Variants in BATF3 observed in about 807,000 individuals in gnomAD.
BATF3 encodes the protein basic leucine zipper transcriptional factor ATF-like 3.
In BATF3, 8 loss-of-function variants were observed where a neutral mutation model predicts 16.1. The observed-to-expected ratio is 0.50, with a 90% CI of 0.29 to 0.90. BATF3 has a LOEUF of 0.90. Ranked by LOEUF, BATF3 falls within the 40% of genes least tolerant of loss-of-function variation. BATF3 has a pLI of 0.08. For missense variants in BATF3, 139 were observed against 167.0 expected (o/e 0.83, Z 0.92); for synonymous variants, 74 against 72.7 (o/e 1.02, Z -0.09).
chr1:212,693,674 C>T (rs902646755), intron 2 of BATF3, among the ~76,000 whole-genome samples: 1 of 152,130 alleles, frequency 6.6e-6, no homozygotes, highest in African/African-American at 2.4e-5. Flanking sequence ...GTCTCCACCC[C>T]ACAGTTCCAA....
intron 2 of BATF3, among the ~76,000 whole-genome samples, chr1:212,693,414 G>A (rs1213705200): frequency 6.6e-6 from 1 of 152,182 alleles, no homozygotes; most frequent in Non-Finnish European, 1.5e-5. Flanking sequence ...GTATACAGGT[G>A]GAGCCGCTGT....
Position 212,689,229 on chromosome 1 carries a change from C to G in BATF3, c.196-2250G>C, listed in dbSNP as rs751461631. Among the ~76,000 whole-genome samples the G allele has an allele frequency of 4.6e-5, 7 of 152,204 alleles. No homozygotes were observed. Among genetic ancestry groups the G allele is most frequent in the Non-Finnish European group, 1.0e-4 (7 of 68,034 alleles). On this transcript the variant is annotated intron_variant, in intron 2 of 2. Coordinates refer to ENST00000243440, the MANE Select transcript of BATF3 (RefSeq NM_018664.3). This position sits in a 1 kb window ranked among gnomAD's most constrained non-coding sequence, Gnocchi z 4.6. ...CCCCCTGCCTGATGCGCCACAGCAC[C>G]AGCACCTACATGCTCAGTGATTCCT...
At chr1:212,688,004 G>A (rs199786579) in intron 2 of BATF3, among the ~76,000 whole-genome samples, 37,730 of 76,060 alleles carry the variant, frequency 0.5, 7,517 homozygotes, top group Admixed American at 0.57. Context: ...AGAAAGGAAG[G>A]AAGGAAGGAA....
At chr1:212,688,038 A>AG (rs1417735581) in intron 2 of BATF3, among the ~76,000 whole-genome samples, 6 of 143,794 alleles carry the variant, frequency 4.2e-5, no homozygotes, top group East Asian at 2.0e-4. Context: ...GAAGGAAGGA[A>AG]GGAGAGAGAA....
At chr1:212,696,759 G>C (rs1257671585) in intron 2 of BATF3, among the ~76,000 whole-genome samples, 1 of 152,140 alleles carries the variant, frequency 6.6e-6, no homozygotes, top group East Asian at 1.9e-4. Context: ...AAATAAACTT[G>C]ACCATGAGAA....
chr1:212,695,490 C>CAAAA (rs373281690), intron 2 of BATF3, among the ~76,000 whole-genome samples: 3 of 42,226 alleles, frequency 7.1e-5, no homozygotes, highest in Non-Finnish European at 1.2e-4. Flanking sequence ...GACTCTGTCT[C>CAAAA]AAAAAAAAAA....
rs572828371 is a variant in BATF3 at position 212,690,093 on chromosome 1, C to T, written c.196-3114G>A. The stretch of plus-strand genomic sequence containing the variant: ...ACATACACACTCACACACACACACT[C>T]CACCCTGCAGCAGGAAATGCCCTTG... On this transcript the variant is annotated intron_variant, in intron 2 of 2. Transcript: ENST00000243440. 2.0e-5 allele frequency among the ~76,000 whole-genome samples: 3 copies of T among 152,262 alleles called. No individual in the cohort carries two copies. In the East Asian group the frequency reaches 5.8e-4, roughly 29 times the overall value.
intron 2 of BATF3, among the ~76,000 whole-genome samples, chr1:212,687,919 C>A (rs1199396704): frequency 7.2e-6 from 1 of 138,892 alleles, no homozygotes; most frequent in African/African-American, 2.7e-5. Context: ...AGAGAAAGAT[C>A]CCAACTCAAA....
chr1:212,699,484 C>T lies in BATF3; in HGVS notation c.90+189G>A, dbSNP rs565408698. ...CCAGGAGCCGCGGACACTGTGCGCA[C>T]GACAGGGTCCCTGGATCGCCCCCAT... On this transcript the variant is annotated intron_variant, in intron 1 of 2. Coordinates refer to ENST00000243440, the MANE Select transcript of BATF3 (RefSeq NM_018664.3). The surrounding 1 kb of genome is among the most constrained non-coding windows in gnomAD (Gnocchi z 4.4). Among the ~76,000 whole-genome samples the T allele has an allele frequency of 2.6e-5, 4 of 152,100 alleles. No homozygotes were observed. Among genetic ancestry groups the T allele is most frequent in the Admixed American group, 6.5e-5 (1 of 15,276 alleles).
chr1:212,692,362 A>ATT (rs5780698), intron 2 of BATF3, among the ~76,000 whole-genome samples: 1 of 152,014 alleles, frequency 6.6e-6, no homozygotes, highest in Non-Finnish European at 1.5e-5. Context: ...AGTGTTCCAT[A>ATT]TTTTTTTAAA....
rs866371353 is a variant in BATF3, at chr1:212,699,262, C to T, written c.90+411G>A. On this transcript the variant is annotated intron_variant, in intron 1 of 2. Transcript: ENST00000243440. The surrounding 1 kb of genome is among the most constrained non-coding windows in gnomAD (Gnocchi z 4.4). ...TCTCCATTCCCGCGGCAGCACCCCC[C>T]CCACCCGGGGGAATCCTGGAGGGGC... Among the ~76,000 whole-genome samples, 2 of 152,168 alleles carry T rather than the reference C, an allele frequency of 1.3e-5. No individual in the cohort carries two copies. The highest frequency in any genetic ancestry group is 2.4e-5 in the African/African-American group (1 of 41,456).
intron 2 of BATF3, among the ~76,000 whole-genome samples, chr1:212,693,400 G>T (rs1028209992): frequency 1.7e-4 from 26 of 152,190 alleles, no homozygotes; most frequent in African/African-American, 5.8e-4. Flanking sequence ...CAGCTCTGGG[G>T]TCTGTATACA....
At chr1:212,692,425 T>C (rs1319973019) in intron 2 of BATF3, among the ~76,000 whole-genome samples, 1 of 151,770 alleles carries the variant, frequency 6.6e-6, no homozygotes, top group Non-Finnish European at 1.5e-5. Flanking sequence ...GAGGCTCAAG[T>C]ATAGGTAGAG....
intron 2 of BATF3, among the ~76,000 whole-genome samples, chr1:212,688,107 A>G (rs986852137): frequency 1.3e-4 from 19 of 151,954 alleles, no homozygotes; most frequent in Non-Finnish European, 5.9e-5. Flanking sequence ...TGATCCAAAC[A>G]CTCTCACTTT....
rs572764913 is a variant in BATF3, at chr1:212,689,644, G to T, written c.196-2665C>A. On this transcript the variant is annotated intron_variant, in intron 2 of 2. Coordinates refer to ENST00000243440, the MANE Select transcript of BATF3 (RefSeq NM_018664.3). The surrounding 1 kb of genome is among the most constrained non-coding windows in gnomAD (Gnocchi z 4.6). ...TGGGATGGAAGCCAGGGCGTCAAGGGAATCATGCAGGCAGCAGAGGGATGA... is the reference window on the plus strand; with the variant it reads ...TGGGATGGAAGCCAGGGCGTCAAGGTAATCATGCAGGCAGCAGAGGGATGA... Among the ~76,000 whole-genome samples, 14 of 152,230 alleles carry T rather than the reference G, an allele frequency of 9.2e-5. No homozygotes were observed. Among genetic ancestry groups the T allele is most frequent in the Admixed American group, 7.2e-4 (11 of 15,288 alleles).
chr1:212,687,996 A>AAAGAAAGAAAGGAAGG (rs1274002817), intron 2 of BATF3, among the ~76,000 whole-genome samples: 15 of 101,330 alleles, frequency 1.5e-4, no homozygotes, highest in Admixed American at 1.0e-3. Flanking sequence ...AGAAAGAAAG[A>AAAGAAAGAAAGGAAGG]AAGGAAGGAA....
Position 212,697,011 on chromosome 1 carries a change from C to T in BATF3, c.145G>A (p.Ala49Thr). 2 of 1,614,214 alleles carry T rather than the reference C, an allele frequency of 1.2e-6. No individual in the cohort carries two copies. The highest frequency in any genetic ancestry group is 1.7e-6 in the Non-Finnish European group (2 of 1,180,036). ...VRRREKNRVA[A>T]QRSRKKQTQK... ...GTCTGCTTCTTCCGACTTCTCTGAG[C>T]AGCAACTCGGTTTTTTTCTCTCCTT... is the stretch of plus-strand genomic sequence containing the variant. The change falls in exon 2 of 3, where the codon GCT becomes ACT. Residue 49 changes from alanine (A) to threonine (T), a missense_variant. Coordinates refer to ENST00000243440, the MANE Select transcript of BATF3 (RefSeq NM_018664.3).
rs2102400571 is a variant in BATF3, at chr1:212,689,158, T to A, written c.196-2179A>T. ...ATGAAGTAATGTCTCCCCCCAAAGA[T>A]CAGAAATGTAAAGGACCTAGGAACT... On this transcript the variant is annotated intron_variant, in intron 2 of 2. Transcript: ENST00000243440. This position sits in a 1 kb window ranked among gnomAD's most constrained non-coding sequence, Gnocchi z 4.6. Among the ~76,000 whole-genome samples, 1 of 152,224 alleles carries A rather than the reference T, an allele frequency of 6.6e-6. No individual in the cohort carries two copies. Among genetic ancestry groups the A allele is most frequent in the Non-Finnish European group, 1.5e-5 (1 of 68,022 alleles).
intron 1 of BATF3, 36 bp from the exon 2 acceptor site, chr1:212,697,101 C>G: frequency 6.5e-7 from 1 of 1,549,656 alleles, no homozygotes; most frequent in Admixed American, 1.7e-5. Flanking sequence ...GATGTCGTGG[C>G]CCCTCGCCTT....
Sources: allele counts gnomAD v4.1 joint callset (sites outside exome capture counted in the v4.1 genomes callset), GRCh38; gene constraint gnomAD v4.1.1; non-coding constraint Gnocchi (gnomAD v3.1); transcripts MANE v1.5; gene names NCBI Gene and HGNC (gene_info 2026-07-23, HGNC 2026-07-21).